FHAD1: variants seen among roughly 807,000 people sequenced by gnomAD.
FHAD1 encodes the protein forkhead-associated domain-containing protein 1.
Under a neutral mutation model 191.3 loss-of-function variants are expected in FHAD1, and 146 were observed. The ratio of observed to expected loss-of-function variants is 0.76; its 90% CI spans 0.67 to 0.88. The LOEUF is 0.88. FHAD1 is among the 40% of genes least tolerant of loss of function. FHAD1 has a pLI of 0.00. For missense variants in FHAD1, 1,635 were observed against 1,785.8 expected, an observed-to-expected ratio of 0.92 and a Z score of 1.52; for synonymous variants, 616 against 672.3, an observed-to-expected ratio of 0.92 and a Z score of 1.29.
intron 3 of FHAD1, among the ~76,000 whole-genome samples, chr1:15,282,676 T>C (rs1185167984): frequency 6.6e-6 from 1 of 152,212 alleles, no homozygotes; most frequent in East Asian, 1.9e-4. Flanking sequence ...GAAGAAAATT[T>C]CCTCCATATC....
chr1:15,358,078 T>G, intron 20 of FHAD1, 32 bp from the exon 21 acceptor site: 1 of 1,444,636 alleles, frequency 6.9e-7, no homozygotes, highest in Non-Finnish European at 9.2e-7. Context: ...TTCCTGAATG[T>G]CTGTTATTTT....
chr1:15,273,713 G>A (rs1456082289), intron 3 of FHAD1, among the ~76,000 whole-genome samples: 1 of 152,134 alleles, frequency 6.6e-6, no homozygotes, highest in Non-Finnish European at 1.5e-5. Context: ...AATTTTTTAT[G>A]TTTTAAACTG....
At position 15,382,162 on chromosome 1, in the gene FHAD1, A is replaced by G. The variant is rs1245942354; in HGVS notation, c.4157A>G (p.Lys1386Arg). ...ATGGAGCACCAGCTGTGCCAGGAGA[A>G]GAGGATCAACAGGGCCATCCGGCAG... ...ERMEHQLCQE[K>R]RINRAIRQQK... The change falls in exon 31 of 34, where the codon AAG (lysine) becomes AGG (arginine). Residue 1386 changes from lysine (K) to arginine (R), a missense_variant. Lys to Arg is a conservative substitution (Grantham distance 26, BLOSUM62 2). Transcript: ENST00000688493. 4 of 1,551,774 alleles carry G rather than the reference A, an allele frequency of 2.6e-6. No homozygotes were observed. In the African/African-American group the frequency reaches 5.5e-5, roughly 21 times the overall value.
intron 31 of FHAD1, among the ~76,000 whole-genome samples, chr1:15,386,485 A>G (rs1278895382): frequency 2.6e-5 from 4 of 152,234 alleles, no homozygotes; most frequent in Non-Finnish European, 2.9e-5. Context: ...TTTTAAATGC[A>G]CAGAAGTTGC....
chr1:15,366,026 G>C, intron 24 of FHAD1, 93 bp downstream of exon 24: 1 of 844,874 alleles, frequency 1.2e-6, no homozygotes, highest in African/African-American at 1.7e-5. Context: ...AGTGGCGCAC[G>C]CCTATAATCC....
Position 15,367,572 on chromosome 1 carries a change from C to T in FHAD1, c.3264C>T (p.Ser1088=), listed in dbSNP as rs1696864709. The T allele has an allele frequency of 6.7e-7, 1 of 1,501,268 alleles. No individual in the cohort carries two copies. Among genetic ancestry groups the T allele is most frequent in the Non-Finnish European group, 8.9e-7 (1 of 1,117,466 alleles). 93.0% of individuals were successfully genotyped at this position (1,501,268 alleles called of 1,614,324 possible). A position where few individuals can be genotyped will look rare whatever the true frequency, so the allele number is the denominator to read the frequency against. The change falls in exon 25 of 34, where the codon AGC becomes AGT. Residue 1088 remains serine (S), a synonymous_variant. Transcript: ENST00000688493. ...VLKEKMAQMS[S]LVEKKDRELK... The stretch of plus-strand genomic sequence containing the variant: ...AGGAGAAGATGGCCCAGATGAGCAG[C>T]CTGGTAGAAAAGAAAGATCGGGAGC...
chr1:15,374,636 G>C lies in FHAD1; in HGVS notation c.3577+5G>C, dbSNP rs1433080089. ...TCGAGAAGGCGCGCTCACCAGGTAA[G>C]TCTCCTCCTTCCTAGTCAGAGCAGT... On this transcript the variant is annotated splice_donor_5th_base_variant and intron_variant, in intron 27 of 33. Transcript: ENST00000688493. 1.3e-6 allele frequency: 2 copies of C among 1,551,062 alleles called. No homozygotes were observed. Among genetic ancestry groups the C allele is most frequent in the Admixed American group, 3.9e-5 (2 of 50,986 alleles).
intron 20 of FHAD1, among the ~76,000 whole-genome samples, chr1:15,356,338 G>A (rs1321176762): frequency 1.3e-5 from 2 of 152,152 alleles, no homozygotes; most frequent in Non-Finnish European, 2.9e-5. Context: ...TCCACACAAG[G>A]TCAGCACATG....
upstream of FHAD1, among the ~76,000 whole-genome samples, chr1:15,243,052 C>G (rs538289268): frequency 5.6e-4 from 86 of 152,294 alleles, no homozygotes; most frequent in African/African-American, 2.0e-3. Context: ...CAGACCCCCC[C>G]ACAGCAAAGC....
intron 6 of FHAD1, among the ~76,000 whole-genome samples, chr1:15,303,944 T>G (rs151231993): frequency 3.2e-4 from 49 of 152,340 alleles, no homozygotes; most frequent in African/African-American, 1.2e-3. Flanking sequence ...AGATGATACT[T>G]TATAACAAAG....
At chr1:15,259,763 C>T (rs529440618) in intron 2 of FHAD1, among the ~76,000 whole-genome samples, 69 of 152,240 alleles carry the variant, frequency 4.5e-4, no homozygotes, top group Non-Finnish European at 7.1e-4. Flanking sequence ...GCGTGGATGA[C>T]CCACGAGGAT....
At chr1:15,317,989 C>A in intron 10 of FHAD1, 61 bp downstream of exon 10, 1 of 1,071,726 alleles carries the variant, frequency 9.3e-7, no homozygotes. Context: ...CTCATCATCC[C>A]TGTTAGTCCT....
Position 15,289,148 on chromosome 1 carries a change from C to T in FHAD1, c.301-251C>T, listed in dbSNP as rs781775815. On this transcript the variant is annotated intron_variant, in intron 3 of 33. Coordinates refer to ENST00000688493, the MANE Select transcript of FHAD1 (RefSeq NM_001391957.1). The surrounding 1 kb of genome is among the most constrained non-coding windows in gnomAD (Gnocchi z 4.2). ...TACAGGCATAGGCCACAAGGCCCAG[C>T]TAATTTTTGAATTTTTGGTGAGGCA... Among the ~76,000 whole-genome samples the T allele has an allele frequency of 6.6e-6, 1 of 152,176 alleles. No homozygotes were observed. The highest frequency in any genetic ancestry group is 2.4e-5 in the African/African-American group (1 of 41,446).
At chr1:15,303,848 CA>C (rs765601462) in intron 6 of FHAD1, among the ~76,000 whole-genome samples, 292 of 104,284 alleles carry the variant, frequency 2.8e-3, no homozygotes, top group Middle Eastern at 0.012. Flanking sequence ...GACTCTGTCT[CA>C]AAAAAAAAAA....
At chr1:15,360,454 AC>A (rs1382399208) in intron 21 of FHAD1, 23 bp from the exon 22 acceptor site, 1 of 1,545,392 alleles carries the variant, frequency 6.5e-7, no homozygotes, top group Non-Finnish European at 8.8e-7. Flanking sequence ...CCAAGACCTC[AC>A]TGAGTGACTC....
intron 3 of FHAD1, among the ~76,000 whole-genome samples, chr1:15,274,303 T>C (rs4661618): frequency 0.46 from 69,727 of 152,058 alleles, 17,484 homozygotes; most frequent in East Asian, 0.66. Flanking sequence ...AGCAAAAGAA[T>C]GTATTATAAA....
At chr1:15,342,538 C>T (rs1473352429) in intron 16 of FHAD1, among the ~76,000 whole-genome samples, 1 of 152,182 alleles carries the variant, frequency 6.6e-6, no homozygotes, top group African/African-American at 2.4e-5. Context: ...AAGAACCATC[C>T]AGATGCTTTG....
At chr1:15,346,263 G>A (rs1688892925) in intron 18 of FHAD1, among the ~76,000 whole-genome samples, 1 of 152,182 alleles carries the variant, frequency 6.6e-6, no homozygotes, top group Non-Finnish European at 1.5e-5. Flanking sequence ...AAGGGCCTGT[G>A]GAAGTTATAT....
intron 5 of FHAD1, among the ~76,000 whole-genome samples, chr1:15,299,695 A>G (rs1574109948): frequency 6.6e-6 from 1 of 152,240 alleles, no homozygotes; most frequent in Admixed American, 6.5e-5. Flanking sequence ...CATAAGCTGC[A>G]GGCTTCTCTG....
Sources: gnomAD v4.1 joint callset for allele counts (sites outside exome capture counted in the v4.1 genomes callset) on GRCh38, gnomAD v4.1.1 for gene constraint, Gnocchi (gnomAD v3.1) non-coding constraint, MANE v1.5 for transcripts, NCBI Gene and HGNC (gene_info 2026-07-23, HGNC 2026-07-21) for gene names.